PLXNA4: variants seen among roughly 807,000 people sequenced by gnomAD.
PLXNA4 encodes the protein plexin A4.
Under a neutral mutation model 191.8 loss-of-function variants are expected in PLXNA4, and 44 were observed. The ratio of observed to expected loss-of-function variants is 0.23; its 90% CI spans 0.18 to 0.29. The LOEUF (loss-of-function observed/expected upper bound fraction) is 0.29, where lower values mean the gene tolerates loss of function less well. Among genes scored for constraint, PLXNA4 ranks in the 10% least tolerant of loss-of-function variants. The pLI is 1.00. For missense variants in PLXNA4, 1,800 were observed against 2,488.8 expected (o/e 0.72, Z 5.89); for synonymous variants, 1,082 against 1,009.5 (o/e 1.07, Z -1.36).
chr7:132,515,268 C>T (rs530375076), intron 1 of PLXNA4, among the ~76,000 whole-genome samples: 6 of 152,314 alleles, frequency 3.9e-5, no homozygotes, highest in African/African-American at 1.4e-4. Context: ...AAGAGCAGAA[C>T]TAAGCCAAAG....
chr7:132,291,728 A>G (rs1417607316), intron 4 of PLXNA4, among the ~76,000 whole-genome samples: 1 of 152,066 alleles, frequency 6.6e-6, no homozygotes, highest in Non-Finnish European at 1.5e-5. Context: ...CATTCATCCT[A>G]CCACATGCCA....
At chr7:132,590,090 G>A (rs1244425975) in intron 2 of PLXNA4, among the ~76,000 whole-genome samples, 1 of 152,182 alleles carries the variant, frequency 6.6e-6, no homozygotes, top group African/African-American at 2.4e-5. Flanking sequence ...CAATTCAACT[G>A]GGAAAGATAA....
At position 132,538,443 on chromosome 7, in the gene PLXNA4, A is replaced by G. The variant is rs191470980; in HGVS notation, c.-86-29664T>C. Among the ~76,000 whole-genome samples, 564 of 152,370 alleles carry G rather than the reference A, an allele frequency of 3.7e-3. 4 individuals carry two copies. The highest frequency in any genetic ancestry group is 5.7e-3 in the Non-Finnish European group (387 of 68,036). ...TGTCCCCACCGTCAGGAATTCAGAC[A>G]GAGCAAGCACCAAGATTGTAAGTGA... On this transcript the variant is annotated intron_variant, in intron 1 of 31. Coordinates refer to ENST00000321063, the MANE Select transcript of PLXNA4 (RefSeq NM_020911.2).
Position 132,522,925 on chromosome 7 carries a change from C to A in PLXNA4, c.-86-14146G>T, listed in dbSNP as rs534090444. ...AGAAAAGCCTTCTGACTTGTTCTGG[C>A]CTGTCACCTTGATAGGCCTTGAAAA... On this transcript the variant is annotated intron_variant, in intron 1 of 31. Transcript: ENST00000321063. Among the ~76,000 whole-genome samples the A allele has an allele frequency of 1.6e-4, 24 of 152,074 alleles. No homozygotes were observed. In the South Asian group the frequency reaches 4.4e-3, roughly 28 times the overall value.
intron 3 of PLXNA4, chr7:132,385,193 T>C (rs1479561832): frequency 6.2e-7 from 1 of 1,613,904 alleles, no homozygotes; most frequent in Non-Finnish European, 8.5e-7. Context: ...TTTTCTCAGT[T>C]TGATGAACAG....
intron 14 of PLXNA4, among the ~76,000 whole-genome samples, chr7:132,191,112 C>G (rs1359172512): frequency 1.3e-5 from 2 of 152,132 alleles, no homozygotes; most frequent in East Asian, 1.9e-4. Flanking sequence ...AATGGGGAAG[C>G]AGACAGAGGA....
Position 132,198,537 on chromosome 7 carries a change from C to T in PLXNA4, c.2686G>A (p.Val896Ile). 4 of 1,614,248 alleles carry T rather than the reference C, an allele frequency of 2.5e-6. No individual in the cohort carries two copies. Among genetic ancestry groups the T allele is most frequent in the Non-Finnish European group, 3.4e-6 (4 of 1,180,040 alleles). The change falls in exon 13 of 32, where the codon GTT becomes ATT. Residue 896 changes from valine (V) to isoleucine (I), a missense_variant. This residue lies in a region of PLXNA4 where 1,397 missense variants were observed against 1,880.4 expected (regional missense o/e 0.74). Transcript: ENST00000321063. Reference sequence around the variant, plus strand: ...AAAGGGCTGCACTCCACGCCAGCAACCTTGACATGGGAGGCGATGTCGCGA... The same window carrying T: ...AAAGGGCTGCACTCCACGCCAGCAATCTTGACATGGGAGGCGATGTCGCGA... The part of the protein sequence containing the change: ...EFRDIASHVK[V>I]AGVECSPLVD...
chr7:132,548,124 A>G (rs1194607660), intron 1 of PLXNA4, among the ~76,000 whole-genome samples: 1 of 152,200 alleles, frequency 6.6e-6, no homozygotes, highest in Non-Finnish European at 1.5e-5. Flanking sequence ...GGCTTTGGAA[A>G]GTCTCAAAAG....
intron 28 of PLXNA4, among the ~76,000 whole-genome samples, chr7:132,145,808 T>C (rs1795409968): frequency 6.6e-6 from 1 of 151,304 alleles, no homozygotes; most frequent in Non-Finnish European, 1.5e-5. Flanking sequence ...CGGTGGCTCA[T>C]GCCTGTAATC....
intron 4 of PLXNA4, among the ~76,000 whole-genome samples, chr7:132,277,218 T>TG (rs1461785591): frequency 6.6e-6 from 1 of 152,140 alleles, no homozygotes; most frequent in Non-Finnish European, 1.5e-5. Context: ...GTGGCTTAAG[T>TG]GGGGGAAGCT....
At chr7:132,241,736 G>A (rs1798886187) in intron 4 of PLXNA4, among the ~76,000 whole-genome samples, 1 of 152,010 alleles carries the variant, frequency 6.6e-6, no homozygotes, top group Admixed American at 6.5e-5. Flanking sequence ...TTACTTGCCC[G>A]CTCTTTCTTT....
chr7:132,183,185 CCT>C (rs1489780678), intron 16 of PLXNA4, among the ~76,000 whole-genome samples: 2 of 152,192 alleles, frequency 1.3e-5, no homozygotes, highest in Non-Finnish European at 2.9e-5. Flanking sequence ...GTTGCTTCTC[CCT>C]CTCTCCTTGC....
In PLXNA4 at chr7:132,185,383, C is replaced by A; in HGVS notation, c.3074G>T (p.Arg1025Met). The A allele has an allele frequency of 6.2e-7, 1 of 1,614,152 alleles. No homozygotes were observed. The highest frequency in any genetic ancestry group is 1.1e-5 in the South Asian group (1 of 91,084). Residue 1025 changes from arginine to methionine, a missense_variant, in exon 16 of 32, where the codon AGG becomes ATG. Around this residue, in one of 6 missense-constraint regions of PLXNA4, gnomAD observed 1,397 missense variants for 1,880.4 expected, o/e 0.74. Coordinates refer to ENST00000321063, the MANE Select transcript of PLXNA4 (RefSeq NM_020911.2). ...LEMKVSVQVD[R>M]AKIHQDLVFQ... ...GACCAGGTCCTGGTGGATCTTGGCC[C>A]TGTCCACCTGCACCGACACCTTCAT...
intron 2 of PLXNA4, among the ~76,000 whole-genome samples, chr7:132,615,769 G>A (rs1233685480): frequency 6.6e-6 from 1 of 151,986 alleles, no homozygotes; most frequent in African/African-American, 2.4e-5. Flanking sequence ...TTTCAGCAAC[G>A]TGCACGTGGG....
intron 9 of PLXNA4, among the ~76,000 whole-genome samples, chr7:132,221,217 T>C (rs1798134519): frequency 6.6e-6 from 1 of 152,042 alleles, no homozygotes; most frequent in African/African-American, 2.4e-5. Context: ...AAGAAAGAAA[T>C]TTGGTACAAG....
intron 3 of PLXNA4, among the ~76,000 whole-genome samples, chr7:132,436,438 C>T (rs1440804536): frequency 6.6e-6 from 1 of 152,184 alleles, no homozygotes; most frequent in Non-Finnish European, 1.5e-5. Flanking sequence ...GGAAGCCTTG[C>T]CCCATAGATT....
At chr7:132,361,286 C>A (rs902195778) in intron 3 of PLXNA4, among the ~76,000 whole-genome samples, 7 of 152,156 alleles carry the variant, frequency 4.6e-5, no homozygotes, top group African/African-American at 1.7e-4. Context: ...TGCAGGCCCA[C>A]GATGCCTTGT....
chr7:132,382,691 C>T (rs2116947927), intron 3 of PLXNA4, among the ~76,000 whole-genome samples: 1 of 152,262 alleles, frequency 6.6e-6, no homozygotes, highest in South Asian at 2.1e-4. Flanking sequence ...AAATGATCAG[C>T]AATGATACGC....
intron 14 of PLXNA4, among the ~76,000 whole-genome samples, chr7:132,187,902 T>C (rs773524816): frequency 6.6e-5 from 10 of 152,090 alleles, no homozygotes; most frequent in African/African-American, 2.4e-4. Context: ...TATATCCCTA[T>C]ATACACATAC....
Sources: allele counts gnomAD v4.1 joint callset (sites outside exome capture counted in the v4.1 genomes callset), GRCh38; gene constraint gnomAD v4.1.1; regional missense constraint gnomAD v4.1.1; transcripts MANE v1.5; gene names NCBI Gene and HGNC (gene_info 2026-07-23, HGNC 2026-07-21).